PIGN: variants seen among roughly 807,000 people sequenced by gnomAD.
PIGN encodes GPI ethanolamine phosphate transferase 1.
A neutral mutation model predicts 125.4 loss-of-function variants in PIGN; 117 were observed. The observed-to-expected ratio is 0.93, with a 90% confidence interval of 0.80 to 1.09. The LOEUF (loss-of-function observed/expected upper bound fraction) is 1.09. PIGN is among the 50% of genes least tolerant of loss of function. The pLI, the probability that PIGN is intolerant of heterozygous loss-of-function variation, is 0.00. For missense variants in PIGN, 1,075 were observed against 1,094.9 expected (o/e 0.98, Z 0.26); for synonymous variants, 392 against 377.8 (o/e 1.04, Z -0.44).
At chr18:62,039,286 C>T (rs1022118866), downstream of PIGN, among the ~76,000 whole-genome samples, 4 of 152,102 alleles carry the variant, frequency 2.6e-5, no homozygotes, top group African/African-American at 9.7e-5. Context: ...CACTCCCTCA[C>T]CCAGTTTCTC....
downstream of PIGN, among the ~76,000 whole-genome samples, chr18:62,038,919 AAATAATAATAATAATAATAATAATAAT>A (rs10601031): frequency 1.4e-5 from 2 of 144,766 alleles, no homozygotes; most frequent in Non-Finnish European, 3.0e-5. Context: ...CCCTGTCTCA[AAATAATAATAATAATAATAATAATAAT>A]AATAATAATA....
At position 62,043,832 on chromosome 18, in the gene PIGN, T is replaced by C. The variant is rs1300495445; in HGVS notation, c.*2024A>G. The C allele has an allele frequency of 2.6e-5, 4 of 152,198 alleles. No individual in the cohort carries two copies. Among genetic ancestry groups the C allele is most frequent in the African/African-American group, 7.2e-5 (3 of 41,468 alleles). The allele number at this position is 152,198 out of a possible 1,614,324, so 9.4% of individuals were successfully genotyped here. Reference sequence around the variant, plus strand: ...CTTATAACAATTCCTAATTTAAACATTGTTAATCAGCAAATGTCCTAAGTC... The same window carrying C: ...CTTATAACAATTCCTAATTTAAACACTGTTAATCAGCAAATGTCCTAAGTC... On this transcript the variant is annotated 3_prime_UTR_variant, in exon 31 of 31. Coordinates refer to ENST00000640252, the MANE Select transcript of PIGN (RefSeq NM_176787.5).
At chr18:62,040,948 T>C (rs2030352537), downstream of PIGN, among the ~76,000 whole-genome samples, 1 of 152,340 alleles carries the variant, frequency 6.6e-6, no homozygotes, top group South Asian at 2.1e-4. Flanking sequence ...TGGTATTTGA[T>C]ACCAGTCAAG....
At chr18:62,125,398 T>C (rs2035496703) in intron 14 of PIGN, among the ~76,000 whole-genome samples, 1 of 152,060 alleles carries the variant, frequency 6.6e-6, no homozygotes, top group South Asian at 2.1e-4. Context: ...AAACAGAACA[T>C]TTAATGGTTG....
At chr18:62,145,439 C>G (rs932811687) in intron 10 of PIGN, among the ~76,000 whole-genome samples, 1 of 152,130 alleles carries the variant, frequency 6.6e-6, no homozygotes, top group East Asian at 1.9e-4. Flanking sequence ...TCATTAGGGC[C>G]TGGGGTTGAA....
Position 62,113,151 on chromosome 18 carries a change from C to T in PIGN, c.1417G>A (p.Val473Ile), listed in dbSNP as rs2034946066. The T allele has an allele frequency of 6.2e-7, 1 of 1,608,742 alleles. No homozygotes were observed. The highest frequency in any genetic ancestry group is 8.5e-7 in the Non-Finnish European group (1 of 1,177,046). ...AAACGTACCTTCACTTCTTTACTAA[C>T]ACCTTTTATAAGGTTGGAATGAGAC... ...IKSHSNLIKGVSKEVKKPSHL... is the reference protein window; with the variant it reads ...IKSHSNLIKGISKEVKKPSHL... Residue 473 changes from valine to isoleucine, a missense_variant, in exon 16 of 31, where the codon GTT becomes ATT. Val to Ile is a conservative substitution (Grantham distance 29). Transcript: ENST00000640252.
intron 23 of PIGN, among the ~76,000 whole-genome samples, chr18:62,020,514 T>C (rs1242197603): frequency 1.3e-5 from 2 of 151,902 alleles, no homozygotes. Flanking sequence ...ACAGTTTTTT[T>C]TTTTTAATGG....
chr18:62,180,903 A>T (rs1454424208), intron 1 of PIGN, among the ~76,000 whole-genome samples: 5 of 152,198 alleles, frequency 3.3e-5, no homozygotes. Flanking sequence ...ACTATAGAAG[A>T]AAACTTTCCT....
At chr18:62,158,973 C>A (rs2036839925) in intron 4 of PIGN, among the ~76,000 whole-genome samples, 1 of 152,186 alleles carries the variant, frequency 6.6e-6, no homozygotes, top group African/African-American at 2.4e-5. Flanking sequence ...AATTTTGGGC[C>A]AGATGCGGTG....
intron 23 of PIGN, among the ~76,000 whole-genome samples, chr18:62,031,771 T>A (rs1350464081): frequency 1.3e-5 from 2 of 152,196 alleles, no homozygotes; most frequent in Admixed American, 6.5e-5. Flanking sequence ...GTGATATGTG[T>A]CAAAGTACTA....
At chr18:62,124,889 C>T (rs1211965824) in intron 14 of PIGN, among the ~76,000 whole-genome samples, 4 of 152,070 alleles carry the variant, frequency 2.6e-5, no homozygotes, top group African/African-American at 4.8e-5. Flanking sequence ...TATAGAAATA[C>T]TTCTCTTTTA....
intron 30 of PIGN, among the ~76,000 whole-genome samples, chr18:62,061,645 A>C (rs2032148717): frequency 6.6e-6 from 1 of 152,196 alleles, no homozygotes; most frequent in African/African-American, 2.4e-5. Flanking sequence ...GAGTTTAGGA[A>C]TAAAATTCGT....
intron 30 of PIGN, among the ~76,000 whole-genome samples, chr18:62,063,448 TTA>T: frequency 8.4e-6 from 1 of 118,736 alleles, no homozygotes; most frequent in African/African-American, 2.9e-5. Flanking sequence ...ATCTATGGTT[TTA>T]TAGATTTTAT....
intron 16 of PIGN, among the ~76,000 whole-genome samples, chr18:62,112,009 C>A (rs185739699): frequency 2.0e-5 from 3 of 152,298 alleles, no homozygotes; most frequent in African/African-American, 4.8e-5. Context: ...CCCACGACTG[C>A]TCTGGATTAA....
intron 20 of PIGN, chr18:62,103,439 T>C (rs1181422052): frequency 6.6e-6 from 1 of 151,278 alleles, no homozygotes; most frequent in Non-Finnish European, 1.5e-5. Context: ...AGGGAAGGGG[T>C]AGGCAGTGGT....
chr18:62,168,551 C>G (rs527266993), intron 1 of PIGN, among the ~76,000 whole-genome samples: 8 of 152,190 alleles, frequency 5.3e-5, no homozygotes, highest in Non-Finnish European at 1.0e-4. Context: ...CTCTTTATTC[C>G]TAAATACTTC....
intron 21 of PIGN, among the ~76,000 whole-genome samples, chr18:62,102,502 G>A (rs889749961): frequency 4.1e-5 from 6 of 147,978 alleles, no homozygotes; most frequent in Admixed American, 3.4e-4. Context: ...TGAGGACAAT[G>A]TAGAATCTCA....
chr18:62,111,942 CAT>C (rs1350563257), intron 16 of PIGN, among the ~76,000 whole-genome samples: 4 of 152,080 alleles, frequency 2.6e-5, no homozygotes, highest in South Asian at 2.1e-4. Flanking sequence ...AATATAAAAA[CAT>C]ATTTTTTTCT....
At chr18:62,179,701 C>A (rs984621022) in intron 1 of PIGN, among the ~76,000 whole-genome samples, 4 of 152,128 alleles carry the variant, frequency 2.6e-5, no homozygotes, top group Non-Finnish European at 2.9e-5. Flanking sequence ...GAGCTGAGAT[C>A]ACGCCACTGC....
Sources: allele counts gnomAD v4.1 joint callset (sites outside exome capture counted in the v4.1 genomes callset), GRCh38; gene constraint gnomAD v4.1.1; transcripts MANE v1.5; gene names NCBI Gene and HGNC (gene_info 2026-07-23, HGNC 2026-07-21).